UBA5: variants seen among roughly 807,000 people sequenced by gnomAD.
UBA5 encodes the protein ubiquitin-like modifier-activating enzyme 5.
UBA5 carries 28 observed loss-of-function variants against 52.9 expected under a neutral mutation model. The observed-to-expected ratio is 0.53, with a 90% confidence interval of 0.39 to 0.73. The LOEUF (loss-of-function observed/expected upper bound fraction) is 0.73, where lower values mean the gene tolerates loss of function less well. UBA5 is among the 30% of genes least tolerant of loss of function. The pLI is 0.00. For missense variants in UBA5, 388 were observed against 492.7 expected, an observed-to-expected ratio of 0.79 and a Z score of 2.01; for synonymous variants, 135 against 162.1, an observed-to-expected ratio of 0.83 and a Z score of 1.27.
chr3:132,656,604 C>T (rs1210292788), upstream of UBA5, among the ~76,000 whole-genome samples: 1 of 152,012 alleles, frequency 6.6e-6, no homozygotes, highest in Non-Finnish European at 1.5e-5. Flanking sequence ...AGCAATTCTC[C>T]TGCCTCAGCC....
At chr3:132,663,545 C>T (rs1343167328) in intron 1 of UBA5, among the ~76,000 whole-genome samples, 1 of 152,090 alleles carries the variant, frequency 6.6e-6, no homozygotes, top group Non-Finnish European at 1.5e-5. Context: ...GGAACTCCAA[C>T]TCAGGTTGGA....
chr3:132,665,885 C>T lies in UBA5; in HGVS notation c.207+17C>T. 6.2e-7 allele frequency: 1 copy of T among 1,613,198 alleles called. No individual in the cohort carries two copies. Among genetic ancestry groups the T allele is most frequent in the South Asian group, 1.1e-5 (1 of 91,012 alleles). On this transcript the variant is annotated intron_variant, in intron 2 of 11. Transcript: ENST00000356232. ...GACTATGAGGTATGATAAACCCTTT[C>T]CAAGTTTTTGTAAGATTAATTCAGT...
In UBA5 at chr3:132,670,648, T is replaced by C. The variant is rs928391432; in HGVS notation, c.495-317T>C. On this transcript the variant is annotated intron_variant, in intron 5 of 11. Transcript: ENST00000356232. ...TGCATTCAATTAGCTTTTATTACAT[T>C]TGTAATGAAGCATGAATAAAAATGT... 8 of 229,112 alleles carry C rather than the reference T, an allele frequency of 3.5e-5. 1 individual carries two copies. The highest frequency in any genetic ancestry group is 6.7e-5 in the Non-Finnish European group (8 of 119,702). 14.2% of individuals were successfully genotyped at this position (229,112 alleles called of 1,614,324 possible).
upstream of UBA5, among the ~76,000 whole-genome samples, chr3:132,656,211 T>G (rs1937789298): frequency 6.6e-6 from 1 of 152,254 alleles, no homozygotes; most frequent in African/African-American, 2.4e-5. Flanking sequence ...ATACTGCAAT[T>G]TATTCATCCA....
At chr3:132,655,795 T>C (rs559163283), upstream of UBA5, among the ~76,000 whole-genome samples, 1 of 152,248 alleles carries the variant, frequency 6.6e-6, no homozygotes, top group Non-Finnish European at 1.5e-5. Flanking sequence ...CAGTGCCAGA[T>C]ACATATTAGG....
At chr3:132,664,378 G>T (rs924338222) in intron 1 of UBA5, among the ~76,000 whole-genome samples, 12 of 152,172 alleles carry the variant, frequency 7.9e-5, no homozygotes, top group Admixed American at 7.9e-4. Context: ...TTTTTATAAA[G>T]AATATAATTT....
chr3:132,663,531 G>T (rs1446500822), intron 1 of UBA5, among the ~76,000 whole-genome samples: 4 of 152,072 alleles, frequency 2.6e-5, no homozygotes, highest in Admixed American at 2.6e-4. Flanking sequence ...CTGATCGTGG[G>T]GTTGGAACTC....
chr3:132,659,520 C>T, upstream of UBA5: 1 of 1,584,654 alleles, frequency 6.3e-7, no homozygotes, highest in South Asian at 1.1e-5. Flanking sequence ...GTGGGAGAAA[C>T]TTAGGAAACC....
At chr3:132,674,174 G>C (rs918361431) in intron 8 of UBA5, among the ~76,000 whole-genome samples, 1 of 152,082 alleles carries the variant, frequency 6.6e-6, no homozygotes, top group Non-Finnish European at 1.5e-5. Context: ...TTGTGAAAAA[G>C]GTTGAACACT....
intron 3 of UBA5, 81 bp from the exon 4 acceptor site, chr3:132,668,737 T>C: frequency 1.2e-6 from 1 of 855,514 alleles, no homozygotes; most frequent in Non-Finnish European, 1.8e-6. Context: ...ACTAATTAAA[T>C]GTAAAGCTCT....
At chr3:132,672,513 T>A (rs528305583) in intron 8 of UBA5, among the ~76,000 whole-genome samples, 1 of 152,272 alleles carries the variant, frequency 6.6e-6, no homozygotes, top group South Asian at 2.1e-4. Flanking sequence ...TTATGAAACA[T>A]TAACTGAATG....
intron 8 of UBA5, among the ~76,000 whole-genome samples, chr3:132,674,344 G>C (rs1044387519): frequency 2.5e-4 from 38 of 152,172 alleles, no homozygotes; most frequent in African/African-American, 8.7e-4. Context: ...TGTGGATTTT[G>C]CCATTACTTT....
In UBA5 at chr3:132,676,489, G is replaced by T. The variant is rs776994336; in HGVS notation, c.1178G>T (p.Ser393Ile). 1 of 1,611,120 alleles carries T rather than the reference G, an allele frequency of 6.2e-7. No individual in the cohort carries two copies. Among genetic ancestry groups the T allele is most frequent in the Non-Finnish European group, 8.5e-7 (1 of 1,178,940 alleles). Residue 393 changes from serine (S) to isoleucine (I), a missense_variant, in exon 12 of 12, where the codon AGC becomes ATC. Physicochemically the swap from Ser to Ile is moderately radical, Grantham distance 142. Transcript: ENST00000356232. This position sits in a 1 kb window ranked among gnomAD's most constrained non-coding sequence, Gnocchi z 4.1. Reference sequence around the variant, plus strand: ...TTAACAGTGGAAGATTCTGGTGAAAGCTTGGAAGACCTCATGGCCAAAATG... The same window carrying T: ...TTAACAGTGGAAGATTCTGGTGAAATCTTGGAAGACCTCATGGCCAAAATG... ...TELTVEDSGE[S>I]LEDLMAKMKN...
In UBA5 at chr3:132,666,081, C is replaced by T; in HGVS notation, c.297+8C>T. 1.9e-6 allele frequency: 3 copies of T among 1,611,690 alleles called. No individual in the cohort carries two copies. Among genetic ancestry groups the T allele is most frequent in the Non-Finnish European group, 1.7e-6 (2 of 1,177,960 alleles). On this transcript the variant is annotated splice_region_variant and intron_variant, in intron 3 of 11. Transcript: ENST00000356232. ...AGATGTGGCATTGGTAAGGTAAAAACATTTCTCTTTGCCTGTCATATAGGG... is the reference window on the plus strand; with the variant it reads ...AGATGTGGCATTGGTAAGGTAAAAATATTTCTCTTTGCCTGTCATATAGGG...
In UBA5 at chr3:132,666,875, C is replaced by T. The variant is rs113290959; in HGVS notation, c.297+802C>T. ...CTGGACAAAAATTGCTTATAGCTGACTTAAGCACCCTGACTGCTTGACCAG... is the reference window on the plus strand; with the variant it reads ...CTGGACAAAAATTGCTTATAGCTGATTTAAGCACCCTGACTGCTTGACCAG... On this transcript the variant is annotated intron_variant, in intron 3 of 11. Coordinates refer to ENST00000356232, the MANE Select transcript of UBA5 (RefSeq NM_024818.6). 3.0e-3 allele frequency among the ~76,000 whole-genome samples: 464 copies of T among 152,226 alleles called. 2 individuals are homozygous for T. Among genetic ancestry groups the T allele is most frequent in the African/African-American group, 0.011 (451 of 41,550 alleles).
At position 132,660,503 on chromosome 3, in the gene UBA5, C is replaced by T; in HGVS notation, c.-35C>T. The T allele has an allele frequency of 6.5e-7, 1 of 1,545,092 alleles. No homozygotes were observed. The highest frequency in any genetic ancestry group is 8.7e-7 in the Non-Finnish European group (1 of 1,146,070). On this transcript the variant is annotated 5_prime_UTR_variant, in exon 1 of 12. Transcript: ENST00000356232. The surrounding 1 kb of genome is among the most constrained non-coding windows in gnomAD (Gnocchi z 4.1). ...GTGGGGCGAAGGCGGCGGCGAAGGC[C>T]CGGGCTGGGAGCGTTGGCGGCCGGA... is the stretch of plus-strand genomic sequence containing the variant.
At chr3:132,659,428 C>T, upstream of UBA5, 1 of 811,008 alleles carries the variant, frequency 1.2e-6, no homozygotes, top group East Asian at 3.0e-5. Flanking sequence ...ATTGGGAAGC[C>T]CCCAGCATCG....
At chr3:132,668,793 C>A in intron 3 of UBA5, 25 bp from the exon 4 acceptor site, 2 of 1,451,536 alleles carry the variant, frequency 1.4e-6, no homozygotes, top group Non-Finnish European at 9.5e-7. Flanking sequence ...TGTTTTTCAT[C>A]AGAATACCAC....
chr3:132,667,746 G>A (rs970914204), intron 3 of UBA5: 8 of 152,138 alleles, frequency 5.3e-5, no homozygotes, highest in African/African-American at 1.9e-4. Context: ...CCCACAATCA[G>A]AGCTAATTAG....
Sources: gnomAD v4.1 joint callset for allele counts (sites outside exome capture counted in the v4.1 genomes callset) on GRCh38, gnomAD v4.1.1 for gene constraint, Gnocchi (gnomAD v3.1) non-coding constraint, MANE v1.5 for transcripts, NCBI Gene and HGNC (gene_info 2026-07-23, HGNC 2026-07-21) for gene names.